RERE: variants seen among roughly 807,000 people sequenced by gnomAD.
RERE encodes the protein arginine-glutamic acid dipeptide repeats.
In RERE, 40 loss-of-function variants were observed where a neutral mutation model predicts 146.1. The observed-to-expected ratio is 0.27, with a 90% CI of 0.21 to 0.36. The LOEUF is 0.36. Among genes scored for constraint, RERE ranks in the 10% least tolerant of loss-of-function variants. The pLI, the probability that RERE is intolerant of heterozygous loss-of-function variation, is 1.00. For missense variants in RERE, 1,933 were observed against 2,138.7 expected (o/e 0.90, Z 1.90); for synonymous variants, 1,003 against 866.0 (o/e 1.16, Z -2.78).
intron 1 of RERE, among the ~76,000 whole-genome samples, chr1:8,679,017 T>G (rs1310524410): frequency 6.6e-6 from 1 of 152,216 alleles, no homozygotes; most frequent in Non-Finnish European, 1.5e-5. Context: ...TAGCCACATT[T>G]CAGGTGCTTA....
At position 8,605,845 on chromosome 1, in the gene RERE, C is replaced by CTTTTTTTTTTTTTTT. The variant is rs60346942; in HGVS notation, c.522+8701_522+8715dup. Among the ~76,000 whole-genome samples, 48 of 93,212 alleles carry CTTTTTTTTTTTTTTT rather than the reference C, an allele frequency of 5.1e-4. 12 individuals are homozygous for CTTTTTTTTTTTTTTT. Among genetic ancestry groups the CTTTTTTTTTTTTTTT allele is most frequent in the African/African-American group, 2.0e-3 (46 of 23,322 alleles). The allele number at this position is 93,212 out of a possible 152,430, so 61.2% of individuals were successfully genotyped here. A position where few individuals can be genotyped will look rare whatever the true frequency, so the allele number is the denominator to read the frequency against. On this transcript the variant is annotated intron_variant, in intron 4 of 22. Coordinates refer to ENST00000400908, the MANE Select transcript of RERE (RefSeq NM_001042681.2). ...ACAAATTTAAGTGTTAAATACCAAA[C>CTTTTTTTTTTTTTTT]TTTTTTTTTTTTTTTTTGAGACAGC...
At position 8,613,271 on chromosome 1, in the gene RERE, T is replaced by C. The variant is rs781681668; in HGVS notation, c.522+1290A>G. Among the ~76,000 whole-genome samples, 3 of 152,308 alleles carry C rather than the reference T, an allele frequency of 2.0e-5. No homozygotes were observed. In the South Asian group the frequency reaches 6.2e-4, roughly 32 times the overall value. On this transcript the variant is annotated intron_variant, in intron 4 of 22. Coordinates refer to ENST00000400908, the MANE Select transcript of RERE (RefSeq NM_001042681.2). ...ACACAAAATCTTAACTTTGCTAACT[T>C]TGAAGATCCTCTATAATCTAGCCCC... is the stretch of plus-strand genomic sequence containing the variant.
At chr1:8,574,838 G>C (rs1440483458) in intron 4 of RERE, among the ~76,000 whole-genome samples, 1 of 152,170 alleles carries the variant, frequency 6.6e-6, no homozygotes, top group Non-Finnish European at 1.5e-5. Flanking sequence ...CTTGATACCA[G>C]AAGTTAGACA....
intron 9 of RERE, 46 bp downstream of exon 9, chr1:8,497,359 C>A: frequency 6.2e-7 from 1 of 1,610,120 alleles, no homozygotes; most frequent in South Asian, 1.1e-5. Context: ...ATAATCAGTT[C>A]AGATGGTCTA....
chr1:8,388,234 T>C (rs546473967), intron 12 of RERE, among the ~76,000 whole-genome samples: 4 of 151,840 alleles, frequency 2.6e-5, no homozygotes, highest in Non-Finnish European at 5.9e-5. Context: ...AGGAGGGGGG[T>C]TATAGCAGAA....
chr1:8,662,814 G>A (rs541871039), intron 1 of RERE, among the ~76,000 whole-genome samples: 14 of 152,320 alleles, frequency 9.2e-5, no homozygotes, highest in East Asian at 1.9e-4. Flanking sequence ...TAGCACTGCC[G>A]CTTGCTGCAC....
chr1:8,776,601 A>G (rs1003846236), intron 1 of RERE, among the ~76,000 whole-genome samples: 3 of 152,134 alleles, frequency 2.0e-5, no homozygotes, highest in Non-Finnish European at 4.4e-5. Flanking sequence ...CTAGCCCCAA[A>G]ATATTGTTTC....
intron 1 of RERE, among the ~76,000 whole-genome samples, chr1:8,664,207 G>A (rs1638519905): frequency 6.6e-6 from 1 of 152,120 alleles, no homozygotes; most frequent in Non-Finnish European, 1.5e-5. Context: ...TTCAGTAGCA[G>A]CTGACAGGGG....
intron 4 of RERE, among the ~76,000 whole-genome samples, chr1:8,605,273 C>G (rs1646689043): frequency 6.6e-6 from 1 of 152,200 alleles, no homozygotes; most frequent in Non-Finnish European, 1.5e-5. Flanking sequence ...GCTGGGACTA[C>G]AGGCACATGC....
chr1:8,598,322 A>T (rs1449381055), intron 4 of RERE, among the ~76,000 whole-genome samples: 1 of 152,204 alleles, frequency 6.6e-6, no homozygotes, highest in Non-Finnish European at 1.5e-5. Context: ...ACTGGAGAGA[A>T]GAGAAAACAG....
At position 8,362,795 on chromosome 1, in the gene RERE, C is replaced by T. The variant is rs1213185591; in HGVS notation, c.1790G>A (p.Gly597Asp). The T allele has an allele frequency of 1.9e-6, 3 of 1,614,038 alleles. No homozygotes were observed. The highest frequency in any genetic ancestry group is 2.7e-5 in the African/African-American group (2 of 74,914). ...GRKKQPASPD[G>D]RTSPINEDIR... The stretch of plus-strand genomic sequence containing the variant: ...GTCTTCATTGATGGGTGAGGTGCGA[C>T]CATCAGGGCTGGCTGGCTGCTTCTT... The change falls in exon 16 of 23, where the codon GGT (glycine) becomes GAT (aspartate). Residue 597 changes from glycine to aspartate, a missense_variant. Gly to Asp is a moderately conservative substitution (Grantham distance 94). Around this residue, in one of 11 missense-constraint regions of RERE, gnomAD observed 1,255 missense variants for 1,153.8 expected, o/e 1.09. Transcript: ENST00000400908.
chr1:8,386,190 A>AGG (rs1405204659), intron 12 of RERE, among the ~76,000 whole-genome samples: 1 of 150,870 alleles, frequency 6.6e-6, no homozygotes, highest in Non-Finnish European at 1.5e-5. Flanking sequence ...GAAAACTTGT[A>AGG]GGACTACAGT....
chr1:8,652,444 A>G (rs1647676323), intron 2 of RERE, among the ~76,000 whole-genome samples: 1 of 152,174 alleles, frequency 6.6e-6, no homozygotes, highest in South Asian at 2.1e-4. Flanking sequence ...CCCTTCACAT[A>G]TTCTTCCAGA....
In RERE at chr1:8,423,649, G is replaced by C; in HGVS notation, c.1204-842C>G. 1.0e-6 allele frequency: 1 copy of C among 984,752 alleles called. No homozygotes were observed. Among genetic ancestry groups the C allele is most frequent in the Non-Finnish European group, 1.2e-6 (1 of 829,746 alleles). 61.0% of individuals were successfully genotyped at this position (984,752 alleles called of 1,614,324 possible). A position where few individuals can be genotyped will look rare whatever the true frequency, so the allele number is the denominator to read the frequency against. On this transcript the variant is annotated intron_variant, in intron 11 of 22. Transcript: ENST00000400908. This position sits in a 1 kb window ranked among gnomAD's most constrained non-coding sequence, Gnocchi z 5.4. ...CCGGGGCGGCAAGAGGCCGTCGCCT[G>C]TCACTGGGCTCCGGCTCCACAAAGC...
At chr1:8,602,685 A>G (rs538815375) in intron 4 of RERE, among the ~76,000 whole-genome samples, 1 of 152,302 alleles carries the variant, frequency 6.6e-6, no homozygotes, top group African/African-American at 2.4e-5. Flanking sequence ...GTTTTAAAAA[A>G]CAAAAACAAA....
intron 7 of RERE, among the ~76,000 whole-genome samples, chr1:8,539,611 G>C (rs914956556): frequency 6.6e-6 from 1 of 152,076 alleles, no homozygotes; most frequent in Non-Finnish European, 1.5e-5. Context: ...TCACCACGTT[G>C]GCCAGGCTGG....
chr1:8,494,411 T>G (rs4908501), intron 10 of RERE, among the ~76,000 whole-genome samples: 36,185 of 152,090 alleles, frequency 0.24, 5,347 homozygotes, highest in Non-Finnish European at 0.33. Context: ...CTTATTTCCT[T>G]ATGTCTAAAA....
intron 11 of RERE, among the ~76,000 whole-genome samples, chr1:8,458,882 A>G (rs1357700262): frequency 6.6e-6 from 1 of 152,200 alleles, no homozygotes; most frequent in East Asian, 1.9e-4. Context: ...ACTGAAATAC[A>G]TTTTTGAAAT....
chr1:8,500,157 A>G (rs1645110656), intron 8 of RERE, among the ~76,000 whole-genome samples: 2 of 152,058 alleles, frequency 1.3e-5, no homozygotes, highest in African/African-American at 4.8e-5. Flanking sequence ...AACAACAATA[A>G]CACAACAAAT....
Sources: gnomAD v4.1 joint callset for allele counts (sites outside exome capture counted in the v4.1 genomes callset) on GRCh38, gnomAD v4.1.1 for gene constraint, gnomAD v4.1.1 regional missense constraint, Gnocchi (gnomAD v3.1) non-coding constraint, MANE v1.5 for transcripts, NCBI Gene and HGNC (gene_info 2026-07-23, HGNC 2026-07-21) for gene names.